PCDH11X: variants seen among roughly 807,000 people sequenced by gnomAD.
The protein encoded by PCDH11X is protocadherin-11 X-linked.
Under a neutral mutation model 53.3 loss-of-function variants are expected in PCDH11X, and 18 were observed. The ratio of observed to expected loss-of-function variants is 0.34; its 90% confidence interval spans 0.23 to 0.50. The LOEUF is 0.50. PCDH11X is among the 20% of genes least tolerant of loss of function. The pLI is 0.98. For synonymous variants in PCDH11X, 279 were observed against 393.3 expected (o/e 0.71, Z 3.44); for missense variants, 570 against 1,032.4 (o/e 0.55, Z 6.14).
At chrX:92,498,144 T>C (rs2073892796) in intron 10 of PCDH11X, among the ~76,000 whole-genome samples, 2 of 111,950 alleles carry the variant, frequency 1.8e-5, no homozygotes, top group South Asian at 7.3e-4. Context: ...TTCTATAATT[T>C]GACCGTTATT....
chrX:92,383,866 G>T (rs1387962115), intron 8 of PCDH11X, among the ~76,000 whole-genome samples: 1 of 111,669 alleles, frequency 9.0e-6, no homozygotes, highest in Non-Finnish European at 1.9e-5. Context: ...GGGTCAAATG[G>T]TATTTCTGGT....
intron 10 of PCDH11X, among the ~76,000 whole-genome samples, chrX:92,480,767 T>C (rs2073486099): frequency 8.9e-6 from 1 of 111,813 alleles, no homozygotes; most frequent in African/African-American, 3.3e-5. Context: ...TACACTCTGA[T>C]GGCTGGTGCC....
intron 6 of PCDH11X, chrX:92,113,997 G>T: frequency 8.3e-7 from 1 of 1,207,582 alleles, no homozygotes; most frequent in Non-Finnish European, 1.1e-6. Flanking sequence ...GGGTACCCAC[G>T]ATGATGTGGG....
At chrX:92,289,510 T>A (rs956417278) in intron 8 of PCDH11X, among the ~76,000 whole-genome samples, 3 of 111,777 alleles carry the variant, frequency 2.7e-5, no homozygotes, top group African/African-American at 9.7e-5. Flanking sequence ...TACGCACTGA[T>A]GAATATGAAC....
chrX:92,250,652 A>G (rs1014311593), intron 7 of PCDH11X, among the ~76,000 whole-genome samples: 9 of 106,669 alleles, frequency 8.4e-5, no homozygotes, highest in Non-Finnish European at 1.2e-4. Flanking sequence ...ATATATATGA[A>G]TAATATTTGG....
intron 6 of PCDH11X, among the ~76,000 whole-genome samples, chrX:92,071,098 C>T (rs1285414372): frequency 9.2e-6 from 1 of 108,962 alleles, no homozygotes; most frequent in South Asian, 3.9e-4. Context: ...AGCCACTGCA[C>T]CCGGCAAGGC....
intron 10 of PCDH11X, among the ~76,000 whole-genome samples, chrX:92,590,893 AACAGGCCTG>A (rs1924966513): frequency 9.0e-6 from 1 of 111,218 alleles, no homozygotes; most frequent in Admixed American, 9.6e-5. Flanking sequence ...GTGGAAGGTC[AACAGGCCTG>A]ACTAGGGGTG....
intron 6 of PCDH11X, among the ~76,000 whole-genome samples, chrX:91,962,013 A>T (rs1297032886): frequency 9.2e-6 from 1 of 108,192 alleles, no homozygotes; most frequent in Non-Finnish European, 1.9e-5. Context: ...CTCCCATGAC[A>T]CATGGGGATT....
rs1928564749 is a variant in PCDH11X, at chrX:92,622,257, C to G, written c.*3317C>G. 1.9e-5 allele frequency: 2 copies of G among 104,954 alleles called. No individual in the cohort carries two copies. Among genetic ancestry groups the G allele is most frequent in the African/African-American group, 6.9e-5 (2 of 28,993 alleles). The allele number at this position is 104,954 out of a possible 1,213,427, so 8.6% of individuals were successfully genotyped here. A position where few individuals can be genotyped will look rare whatever the true frequency, so the allele number is the denominator to read the frequency against. On this transcript the variant is annotated 3_prime_UTR_variant, in exon 11 of 11. Coordinates refer to ENST00000682573, the MANE Select transcript of PCDH11X (RefSeq NM_032968.5). ...CAAACTAATATTTATCACACATGGT[C>G]ATTAAATGGGAAAAAAATAGACTAA...
At position 92,340,331 on chromosome X, in the gene PCDH11X, C is replaced by T. The variant is rs1415758739; in HGVS notation, c.3145-47404C>T. 7.2e-5 allele frequency among the ~76,000 whole-genome samples: 8 copies of T among 111,470 alleles called. 1 individual carries two copies. Among genetic ancestry groups the T allele is most frequent in the Admixed American group, 2.8e-4 (3 of 10,531 alleles). On this transcript the variant is annotated intron_variant, in intron 8 of 10. Transcript: ENST00000682573. ...TGACAGTGACCCTCTTCTCACAGCT[C>T]CACTAGGCAATGCCCCAGTAGGGAC...
intron 6 of PCDH11X, among the ~76,000 whole-genome samples, chrX:92,139,338 T>C (rs1383102487): frequency 1.0e-5 from 1 of 100,414 alleles, no homozygotes; most frequent in Non-Finnish European, 2.0e-5. Flanking sequence ...TGCAGTGGCA[T>C]GATCTCAGCT....
chrX:92,515,043 C>T (rs1211356271), intron 10 of PCDH11X, among the ~76,000 whole-genome samples: 14 of 64,023 alleles, frequency 2.2e-4, no homozygotes, highest in African/African-American at 6.5e-4. Flanking sequence ...CGAGATTCCA[C>T]CTCAAAAAAA....
At chrX:92,221,131 A>C (rs990271022) in intron 7 of PCDH11X, among the ~76,000 whole-genome samples, 2 of 101,238 alleles carry the variant, frequency 2.0e-5, no homozygotes, top group Non-Finnish European at 4.0e-5. Flanking sequence ...GCACACCAGC[A>C]TGGCACATGT....
At chrX:92,540,165 C>T (rs2074732077) in intron 10 of PCDH11X, among the ~76,000 whole-genome samples, 2 of 111,372 alleles carry the variant, frequency 1.8e-5, no homozygotes, top group Admixed American at 1.9e-4. Flanking sequence ...TCTCAGGCCC[C>T]AGACTTGTGC....
At chrX:91,939,826 G>A (rs892863299) in intron 6 of PCDH11X, among the ~76,000 whole-genome samples, 1 of 110,982 alleles carries the variant, frequency 9.0e-6, no homozygotes, top group Non-Finnish European at 1.9e-5. Context: ...ACCGGCCCAC[G>A]GAAATGCTGA....
chrX:91,843,263 A>ATGTG (rs3067347), intron 5 of PCDH11X, among the ~76,000 whole-genome samples: 1,759 of 91,367 alleles, frequency 0.019, 53 homozygotes, highest in African/African-American at 0.066. Context: ...ATACATACTT[A>ATGTG]TGTGTGTGTG....
chrX:92,345,426 C>T (rs1319722283), intron 8 of PCDH11X, among the ~76,000 whole-genome samples: 1 of 108,993 alleles, frequency 9.2e-6, no homozygotes, highest in Non-Finnish European at 1.9e-5. Context: ...AAAGAACAAC[C>T]ACAGAGAAAA....
At chrX:91,810,177 T>A (rs1424690948) in intron 2 of PCDH11X, among the ~76,000 whole-genome samples, 4 of 111,019 alleles carry the variant, frequency 3.6e-5, no homozygotes, top group Non-Finnish European at 7.6e-5. Context: ...TATTCCCTGT[T>A]AAAGCTAAGA....
intron 8 of PCDH11X, among the ~76,000 whole-genome samples, chrX:92,290,417 A>G (rs1175399231): frequency 1.8e-5 from 2 of 111,470 alleles, no homozygotes; most frequent in African/African-American, 3.3e-5. Flanking sequence ...ATGTGTTTTA[A>G]CCAGGTTCCA....
Sources: gnomAD v4.1 joint callset for allele counts (sites outside exome capture counted in the v4.1 genomes callset) on GRCh38, gnomAD v4.1.1 for gene constraint, MANE v1.5 for transcripts, NCBI Gene and HGNC (gene_info 2026-07-23, HGNC 2026-07-21) for gene names.